DENND1B: variants seen among roughly 807,000 people sequenced by gnomAD.
DENND1B encodes DENN domain containing 1B.
In DENND1B, 59 loss-of-function variants were observed where a neutral mutation model predicts 90.1. That is an observed-to-expected ratio of 0.65 (90% CI 0.53 to 0.81). The LOEUF (loss-of-function observed/expected upper bound fraction) is 0.81. Ranked by LOEUF, DENND1B falls within the 40% of genes least tolerant of loss-of-function variation. The pLI, the probability that DENND1B is intolerant of heterozygous loss-of-function variation, is 0.00. For synonymous variants in DENND1B, 337 were observed against 324.6 expected, an observed-to-expected ratio of 1.04 and a Z score of -0.41; for missense variants, 862 against 912.6, an observed-to-expected ratio of 0.94 and a Z score of 0.71.
chr1:197,701,703 T>C (rs1201492740), intron 3 of DENND1B, among the ~76,000 whole-genome samples: 3 of 152,178 alleles, frequency 2.0e-5, no homozygotes, highest in Admixed American at 6.6e-5. Context: ...TACAGCTTTA[T>C]TGTGCCAGAC....
chr1:197,547,264 T>C (rs550946578), intron 16 of DENND1B, among the ~76,000 whole-genome samples: 94 of 144,822 alleles, frequency 6.5e-4, no homozygotes, highest in South Asian at 5.4e-3. Flanking sequence ...CAAGACCCCA[T>C]CTCTTTTTTT....
intron 3 of DENND1B, among the ~76,000 whole-genome samples, chr1:197,688,195 C>G (rs1657459291): frequency 6.6e-6 from 1 of 151,926 alleles, no homozygotes; most frequent in African/African-American, 2.4e-5. Flanking sequence ...AAAAGACATC[C>G]CATGTTCATG....
At chr1:197,685,519 A>C (rs558141590) in intron 3 of DENND1B, 5 of 152,338 alleles carry the variant, frequency 3.3e-5, no homozygotes, top group Non-Finnish European at 7.3e-5. Context: ...TGTACTAAAA[A>C]AAAATCAGGA....
At chr1:197,777,312 C>G (rs536015051), upstream of DENND1B, among the ~76,000 whole-genome samples, 2 of 152,138 alleles carry the variant, frequency 1.3e-5, no homozygotes, top group Admixed American at 1.3e-4. Context: ...CAGTCATACC[C>G]TTGAACAGTA....
intron 2 of DENND1B, among the ~76,000 whole-genome samples, chr1:197,754,958 C>T (rs1327603359): frequency 2.6e-5 from 4 of 152,050 alleles, no homozygotes; most frequent in Non-Finnish European, 5.9e-5. Context: ...TTTGATAAAA[C>T]ATAAAGGCAT....
chr1:197,630,188 C>T (rs752003066), intron 10 of DENND1B, among the ~76,000 whole-genome samples: 4 of 152,048 alleles, frequency 2.6e-5, no homozygotes, highest in Non-Finnish European at 2.9e-5. Context: ...CCTTTATTCT[C>T]TTAGGATGGT....
At chr1:197,746,147 T>C (rs1173471576) in intron 2 of DENND1B, among the ~76,000 whole-genome samples, 1 of 152,152 alleles carries the variant, frequency 6.6e-6, no homozygotes, top group Non-Finnish European at 1.5e-5. Context: ...ATCCCAGCAC[T>C]TTGGGAGGCC....
chr1:197,626,984 G>A (rs533816422), intron 10 of DENND1B, among the ~76,000 whole-genome samples: 14 of 152,128 alleles, frequency 9.2e-5, no homozygotes, highest in Non-Finnish European at 1.3e-4. Context: ...CCAGGAAGAA[G>A]TTGAATCTCT....
Position 197,545,069 on chromosome 1 carries a change from G to GAAGAAGAAT in DENND1B, c.1350+852_1350+853insATTCTTCTT, listed in dbSNP as rs1558223023. On this transcript the variant is annotated intron_variant, in intron 18 of 22. Coordinates refer to ENST00000620048, the MANE Select transcript of DENND1B (RefSeq NM_001195215.2). Reference sequence around the variant, plus strand: ...AGAAGGAGAAGAAGAAGAAGAAGAAGAATTCCAAGAAAAATCTTGGAATGT... The same window carrying GAAGAAGAAT: ...AGAAGGAGAAGAAGAAGAAGAAGAAGAAGAAGAATAATTCCAAGAAAAATCTTGGAATGT... Among the ~76,000 whole-genome samples the GAAGAAGAAT allele has an allele frequency of 1.1e-4, 15 of 130,800 alleles. No homozygotes were observed. The East Asian group carries it at 1.4e-3, about 12-fold the overall frequency. 85.8% of individuals were successfully genotyped at this position (130,800 alleles called of 152,430 possible).
intron 8 of DENND1B, among the ~76,000 whole-genome samples, chr1:197,646,749 G>A (rs753516034): frequency 1.3e-5 from 2 of 151,908 alleles, no homozygotes; most frequent in Non-Finnish European, 2.9e-5. Context: ...CAAAAAATGT[G>A]ACAAATCTTG....
At position 197,595,231 on chromosome 1, in the gene DENND1B, T is replaced by C. The variant is rs1675577601; in HGVS notation, c.1024A>G (p.Arg342Gly). The C allele has an allele frequency of 1.2e-5, 19 of 1,613,140 alleles. No homozygotes were observed. The highest frequency in any genetic ancestry group is 1.4e-5 in the Non-Finnish European group (17 of 1,179,382). ...RAQAALFGSY[R>G]DALRYKPGEP... is the part of the protein sequence containing the mutation. Reference sequence around the variant, plus strand: ...ACAGGTTTGTATCTCAGTGCATCTCTGTAGGATCCAAACAAAGCAGCCTGT... The same window carrying C: ...ACAGGTTTGTATCTCAGTGCATCTCCGTAGGATCCAAACAAAGCAGCCTGT... Residue 342 changes from arginine (R) to glycine (G), a missense_variant, in exon 14 of 23, where the codon AGA becomes GGA. Coordinates refer to ENST00000620048, the MANE Select transcript of DENND1B (RefSeq NM_001195215.2).
chr1:197,623,883 A>G (rs1473483632), intron 10 of DENND1B, among the ~76,000 whole-genome samples: 2 of 151,666 alleles, frequency 1.3e-5, no homozygotes, highest in Admixed American at 6.6e-5. Context: ...CAAAATATGT[A>G]TACAATCTAT....
intron 2 of DENND1B, chr1:197,747,180 T>A: frequency 1.3e-6 from 1 of 745,978 alleles, no homozygotes; most frequent in Non-Finnish European, 2.4e-6. Context: ...AGGTTGCGTT[T>A]TTCTGTTCAG....
chr1:197,601,682 C>T (rs1001765237), intron 13 of DENND1B, among the ~76,000 whole-genome samples: 1 of 151,584 alleles, frequency 6.6e-6, no homozygotes, highest in African/African-American at 2.4e-5. Flanking sequence ...AATAAATCAA[C>T]TTTAGAATGG....
chr1:197,527,315 T>G (rs1176541761), intron 20 of DENND1B, among the ~76,000 whole-genome samples: 4 of 150,906 alleles, frequency 2.7e-5, no homozygotes, highest in Non-Finnish European at 3.0e-5. Flanking sequence ...TTTTTTTGTT[T>G]TTGTTTTTTT....
At chr1:197,557,810 G>A (rs1409835828) in intron 15 of DENND1B, among the ~76,000 whole-genome samples, 4 of 151,638 alleles carry the variant, frequency 2.6e-5, no homozygotes, top group Non-Finnish European at 5.9e-5. Flanking sequence ...TTGGTTCATG[G>A]TTATACCACT....
In DENND1B at chr1:197,507,566, C is replaced by T. The variant is rs1466880462; in HGVS notation, c.*2894G>A. ...GTGGGATTCAGAAAGAACCATGACT[C>T]CATTGCAGGCCAGATAAAGACTATG... On this transcript the variant is annotated 3_prime_UTR_variant, in exon 23 of 23. Transcript: ENST00000620048. The T allele has an allele frequency of 6.6e-6, 1 of 151,422 alleles. No individual in the cohort carries two copies. The highest frequency in any genetic ancestry group is 1.5e-5 in the Non-Finnish European group (1 of 67,610). 9.4% of individuals were successfully genotyped at this position (151,422 alleles called of 1,614,324 possible).
intron 4 of DENND1B, 135 bp from the exon 5 acceptor site, chr1:197,672,291 G>T: frequency 9.4e-7 from 1 of 1,061,130 alleles, no homozygotes; most frequent in Non-Finnish European, 1.3e-6. Flanking sequence ...CTAGAACTAT[G>T]TTCTAAAACT....
At chr1:197,777,389 A>G (rs1222578641), upstream of DENND1B, among the ~76,000 whole-genome samples, 1 of 152,222 alleles carries the variant, frequency 6.6e-6, no homozygotes, top group African/African-American at 2.4e-5. Context: ...CGCATCCCAA[A>G]GCAAATCTTT....
Sources: allele counts gnomAD v4.1 joint callset (sites outside exome capture counted in the v4.1 genomes callset), GRCh38; gene constraint gnomAD v4.1.1; transcripts MANE v1.5; gene names NCBI Gene and HGNC (gene_info 2026-07-23, HGNC 2026-07-21).